The following KCNB2 variants were observed in gnomAD, a reference collection of about 807,000 sequenced individuals.
The protein encoded by KCNB2 is potassium voltage-gated channel subfamily B member 2, also known as delayed rectifier potassium channel protein.
Under a neutral mutation model 61.5 loss-of-function variants are expected in KCNB2, and 15 were observed. The ratio of observed to expected loss-of-function variants is 0.24; its 90% confidence interval spans 0.16 to 0.38. The LOEUF is 0.38. Ranked by LOEUF, KCNB2 falls within the 10% of genes least tolerant of loss-of-function variation. The probability of loss-of-function intolerance (pLI) is 1.00; values close to 1 mark genes in which losing one functional copy is unlikely to be tolerated. For missense variants in KCNB2, 828 were observed against 1,125.2 expected (o/e 0.74, Z 3.78); for synonymous variants, 457 against 446.0 (o/e 1.02, Z -0.31).
At position 72,639,157 on chromosome 8, in the gene KCNB2, G is replaced by A. The variant is rs577154135; in HGVS notation, c.579+70844G>A. On this transcript the variant is annotated intron_variant, in intron 2 of 2. Transcript: ENST00000523207. Reference sequence around the variant, plus strand: ...ATAATAAAGGAAGCTAGAACTATTGGGAGTAGGTCCCTGACCTTGGAAACT... The same window carrying A: ...ATAATAAAGGAAGCTAGAACTATTGAGAGTAGGTCCCTGACCTTGGAAACT... Among the ~76,000 whole-genome samples, 3 of 152,196 alleles carry A rather than the reference G, an allele frequency of 2.0e-5. No homozygotes were observed. In the South Asian group the frequency reaches 6.2e-4, roughly 32 times the overall value.
chr8:72,687,408 C>T (rs1023587675), intron 2 of KCNB2, among the ~76,000 whole-genome samples: 3 of 151,994 alleles, frequency 2.0e-5, no homozygotes, highest in African/African-American at 4.8e-5. Context: ...TTATATTTAG[C>T]CTATTTTCAA....
intron 2 of KCNB2, among the ~76,000 whole-genome samples, chr8:72,899,293 A>G (rs1276195680): frequency 6.6e-6 from 1 of 152,204 alleles, no homozygotes; most frequent in Non-Finnish European, 1.5e-5. Context: ...ATCACACTGA[A>G]TGAGCAAAAG....
chr8:72,675,298 T>G (rs1163573662), intron 2 of KCNB2, among the ~76,000 whole-genome samples: 2 of 152,166 alleles, frequency 1.3e-5, no homozygotes, highest in African/African-American at 4.8e-5. Context: ...TTAATTTGTT[T>G]CAAAGCAATA....
intron 2 of KCNB2, among the ~76,000 whole-genome samples, chr8:72,752,882 GAA>G (rs763882618): frequency 6.6e-6 from 1 of 152,170 alleles, no homozygotes; most frequent in Non-Finnish European, 1.5e-5. Flanking sequence ...ACTGTGCACT[GAA>G]CTCTCAGACA....
At chr8:72,736,902 T>A (rs1301440603) in intron 2 of KCNB2, among the ~76,000 whole-genome samples, 1 of 152,176 alleles carries the variant, frequency 6.6e-6, no homozygotes, top group Non-Finnish European at 1.5e-5. Context: ...TTGGAAGATA[T>A]GCTCCTTGAA....
chr8:72,823,936 G>T (rs1289383827), intron 2 of KCNB2, among the ~76,000 whole-genome samples: 3 of 152,146 alleles, frequency 2.0e-5, no homozygotes, highest in Non-Finnish European at 4.4e-5. Context: ...GACCCTGGGA[G>T]CCCCATCTTG....
chr8:72,712,921 G>A (rs1298231369), intron 2 of KCNB2, among the ~76,000 whole-genome samples: 1 of 152,212 alleles, frequency 6.6e-6, no homozygotes, highest in East Asian at 1.9e-4. Context: ...TCAAAGAAAG[G>A]GGTGACAGAC....
Position 72,568,219 on chromosome 8 carries a change from G to A in KCNB2, c.485G>A (p.Arg162Gln). The A allele has an allele frequency of 2.5e-6, 4 of 1,614,136 alleles. No homozygotes were observed. The highest frequency in any genetic ancestry group is 1.3e-5 in the African/African-American group (1 of 75,026). The change falls in exon 2 of 3, where the codon CGA (arginine) becomes CAA (glutamine). Residue 162 changes from arginine (R) to glutamine (Q), a missense_variant. Arg to Gln is a conservative substitution (Grantham distance 43, BLOSUM62 1). Around this residue, in one of 4 missense-constraint regions of KCNB2, gnomAD observed 163 missense variants for 314.4 expected, o/e 0.52. Coordinates refer to ENST00000523207, the MANE Select transcript of KCNB2 (RefSeq NM_004770.3). ...CGAGAGGCAGAGACTATGCGAGAGC[G>A]AGAAGGAGAAGAGTTTGATAATACC... ...LRREAETMRE[R>Q]EGEEFDNTCC... is the part of the protein sequence containing the mutation.
chr8:72,770,362 T>C (rs559770688), intron 2 of KCNB2, among the ~76,000 whole-genome samples: 1 of 152,318 alleles, frequency 6.6e-6, no homozygotes, highest in African/African-American at 2.4e-5. Context: ...GTGTGCTTAA[T>C]TGAGAAGACC....
intron 2 of KCNB2, among the ~76,000 whole-genome samples, chr8:72,717,615 G>T (rs1448998856): frequency 6.6e-6 from 1 of 152,076 alleles, no homozygotes; most frequent in Non-Finnish European, 1.5e-5. Flanking sequence ...GCCATATGTA[G>T]AAAGCTGAAA....
intron 1 of KCNB2, among the ~76,000 whole-genome samples, chr8:72,560,171 G>T (rs1806491098): frequency 6.6e-6 from 1 of 152,180 alleles, no homozygotes; most frequent in Admixed American, 6.5e-5. Context: ...GCCCAACTGA[G>T]AAATAGTCCT....
At position 72,568,299 on chromosome 8, in the gene KCNB2, T is replaced by C; in HGVS notation, c.565T>C (p.Ser189Pro). The C allele has an allele frequency of 1.2e-6, 2 of 1,610,784 alleles. No individual in the cohort carries two copies. Among genetic ancestry groups the C allele is most frequent in the Non-Finnish European group, 1.7e-6 (2 of 1,178,974 alleles). Residue 189 changes from serine (S) to proline (P), a missense_variant, in exon 2 of 3, where the codon TCA becomes CCA. Around this residue, in one of 4 missense-constraint regions of KCNB2, gnomAD observed 163 missense variants for 314.4 expected, o/e 0.52. Coordinates refer to ENST00000523207, the MANE Select transcript of KCNB2 (RefSeq NM_004770.3). ...GGACTTGCTGGAGAAACCTAACTCA[T>C]CAGTGGCTGCAAAGGTATGAAACCC... ...LWDLLEKPNS[S>P]VAAKILAIVS...
intron 2 of KCNB2, among the ~76,000 whole-genome samples, chr8:72,869,125 G>C (rs1203660067): frequency 6.6e-6 from 1 of 152,192 alleles, no homozygotes; most frequent in Non-Finnish European, 1.5e-5. Context: ...AGCTCAGGAA[G>C]CTGCACAGAG....
intron 2 of KCNB2, among the ~76,000 whole-genome samples, chr8:72,790,239 T>G (rs1386312893): frequency 6.6e-6 from 1 of 151,982 alleles, no homozygotes; most frequent in Admixed American, 6.6e-5. Flanking sequence ...AGGTAGTAAA[T>G]GAAAGACCCC....
intron 2 of KCNB2, among the ~76,000 whole-genome samples, chr8:72,814,673 C>T (rs955787111): frequency 3.3e-5 from 5 of 151,858 alleles, no homozygotes; most frequent in South Asian, 2.1e-4. Context: ...GATAAAAGTC[C>T]GCTATTTAAA....
At chr8:72,791,472 C>G (rs993464674) in intron 2 of KCNB2, among the ~76,000 whole-genome samples, 2 of 152,032 alleles carry the variant, frequency 1.3e-5, no homozygotes, top group African/African-American at 4.8e-5. Context: ...TTGTTTGAGC[C>G]TAATAGATCA....
intron 2 of KCNB2, among the ~76,000 whole-genome samples, chr8:72,779,407 C>T (rs1400110739): frequency 6.6e-6 from 1 of 152,138 alleles, no homozygotes; most frequent in East Asian, 1.9e-4. Context: ...ATTTCTTGGG[C>T]AGAATGTCCA....
intron 2 of KCNB2, among the ~76,000 whole-genome samples, chr8:72,857,121 C>T (rs1013885463): frequency 2.0e-5 from 3 of 152,148 alleles, no homozygotes; most frequent in African/African-American, 7.2e-5. Context: ...TTATTATATG[C>T]CAGACCTTGT....
intron 2 of KCNB2, among the ~76,000 whole-genome samples, chr8:72,775,052 ATG>A (rs1808624609): frequency 1.3e-5 from 2 of 152,208 alleles, no homozygotes; most frequent in Admixed American, 1.3e-4. Context: ...CTCATCCCTG[ATG>A]CCAACACCAA....
Sources: gnomAD v4.1 joint callset for allele counts (sites outside exome capture counted in the v4.1 genomes callset) on GRCh38, gnomAD v4.1.1 for gene constraint, gnomAD v4.1.1 regional missense constraint, MANE v1.5 for transcripts, NCBI Gene and HGNC (gene_info 2026-07-23, HGNC 2026-07-21) for gene names.